Variants in UACA observed in about 807,000 individuals in gnomAD.
UACA encodes nuclear membrane binding protein.
UACA carries 112 observed loss-of-function variants against 160.5 expected under a neutral mutation model. The observed-to-expected ratio is 0.70, with a 90% CI of 0.60 to 0.82. UACA has a LOEUF of 0.82. UACA is among the 40% of genes least tolerant of loss of function. The pLI is 0.00. For missense variants in UACA, 1,574 were observed against 1,614.6 expected (o/e 0.97, Z 0.43); for synonymous variants, 557 against 568.4 (o/e 0.98, Z 0.29).
At chr15:70,713,208 G>T (rs1008803964) in intron 1 of UACA, among the ~76,000 whole-genome samples, 4 of 152,122 alleles carry the variant, frequency 2.6e-5, no homozygotes, top group Non-Finnish European at 5.9e-5. Context: ...AAAATTAGCC[G>T]CGCGCGGTGG....
chr15:70,687,880 T>C, intron 5 of UACA, 60 bp from the exon 6 acceptor site: 1 of 1,508,908 alleles, frequency 6.6e-7, no homozygotes, highest in Non-Finnish European at 9.2e-7. Flanking sequence ...CACATAGTGT[T>C]TTTCTAGGTC....
chr15:70,669,712 C>T (rs751377305), intron 15 of UACA, among the ~76,000 whole-genome samples: 2 of 152,256 alleles, frequency 1.3e-5, no homozygotes, highest in East Asian at 1.9e-4. Flanking sequence ...GGCAGAACAA[C>T]GGACAATGGC....
At chr15:70,770,006 T>A in the UACA span, among the ~76,000 whole-genome samples, 1 of 152,188 alleles carries the variant, frequency 6.6e-6, no homozygotes, top group South Asian at 2.1e-4. Context: ...CAAAAATAAG[T>A]AAATAAAAAA....
Position 70,660,223 on chromosome 15 carries a change from A to T in UACA, c.4114-7T>A. 3 of 1,612,570 alleles carry T rather than the reference A, an allele frequency of 1.9e-6. No homozygotes were observed. The highest frequency in any genetic ancestry group is 2.5e-6 in the Non-Finnish European group (3 of 1,178,924). On this transcript the variant is annotated splice_polypyrimidine_tract_variant and splice_region_variant and intron_variant, in intron 17 of 18. Transcript: ENST00000322954. ...GGTGCTGTCTGTCAGCATCCTAGAA[A>T]TGTGGAAAGATGGACAGATGTGACT...
chr15:70,718,186 T>C (rs941297933), intron 1 of UACA, among the ~76,000 whole-genome samples: 5 of 148,532 alleles, frequency 3.4e-5, no homozygotes. Context: ...TGATATATTG[T>C]ATTACTATTT....
At chr15:70,712,220 G>C (rs1898704497) in intron 1 of UACA, among the ~76,000 whole-genome samples, 1 of 151,592 alleles carries the variant, frequency 6.6e-6, no homozygotes. Context: ...ATCTGGTTGT[G>C]TGTAGACAGA....
chr15:70,676,703 T>TTC (rs763081368), intron 12 of UACA, 112 bp from the exon 13 acceptor site: 1 of 777,812 alleles, frequency 1.3e-6, no homozygotes, highest in Non-Finnish European at 2.1e-6. Flanking sequence ...AGTTAATGAA[T>TTC]TCTCCAACCT....
the UACA span, among the ~76,000 whole-genome samples, chr15:70,768,681 T>C: frequency 2.0e-5 from 3 of 152,290 alleles, no homozygotes; most frequent in East Asian, 3.9e-4. Context: ...ACCATCTGAC[T>C]CCATAGTAAA....
At chr15:70,678,228 G>T (rs373453426) in intron 10 of UACA, 22 bp from the exon 11 acceptor site, 32 of 1,566,308 alleles carry the variant, frequency 2.0e-5, no homozygotes, top group Non-Finnish European at 2.7e-5. Context: ...AAGACAACAA[G>T]GTGCCAGGCC....
chr15:70,745,187 T>G (rs1343545905), intron 1 of UACA, among the ~76,000 whole-genome samples: 1 of 151,790 alleles, frequency 6.6e-6, no homozygotes, highest in Non-Finnish European at 1.5e-5. Context: ...ATCCCAGCAC[T>G]TTGGGATGCC....
At chr15:70,740,050 C>CT (rs1043712072) in intron 1 of UACA, among the ~76,000 whole-genome samples, 10 of 152,070 alleles carry the variant, frequency 6.6e-5, no homozygotes, top group Non-Finnish European at 1.3e-4. Context: ...CCTTAGAGAA[C>CT]TTTTTTAAGT....
intron 1 of UACA, among the ~76,000 whole-genome samples, chr15:70,717,332 A>G (rs746949720): frequency 6.6e-6 from 1 of 152,228 alleles, no homozygotes; most frequent in Non-Finnish European, 1.5e-5. Context: ...AGCAAGAACC[A>G]TAAGAGCCTT....
the UACA span, among the ~76,000 whole-genome samples, chr15:70,775,651 G>A: frequency 1.3e-5 from 2 of 152,106 alleles, no homozygotes; most frequent in Non-Finnish European, 2.9e-5. Context: ...GTATTCAAAA[G>A]ATTAATTGAA....
intron 1 of UACA, among the ~76,000 whole-genome samples, chr15:70,713,299 G>GT: frequency 6.6e-6 from 1 of 152,344 alleles, no homozygotes; most frequent in East Asian, 1.9e-4. Flanking sequence ...AGTGAGCCGA[G>GT]ATCGCGCCAC....
At chr15:70,695,873 T>C (rs965143509) in intron 2 of UACA, among the ~76,000 whole-genome samples, 2 of 152,200 alleles carry the variant, frequency 1.3e-5, no homozygotes, top group African/African-American at 4.8e-5. Context: ...ACAAACATTA[T>C]AGAAATATTT....
intron 15 of UACA, 146 bp from the exon 16 acceptor site, chr15:70,669,608 A>C: frequency 1.7e-6 from 1 of 604,546 alleles, no homozygotes; most frequent in East Asian, 3.0e-5. Context: ...AAAAATCACA[A>C]TGCTGATTTT....
intron 18 of UACA, among the ~76,000 whole-genome samples, chr15:70,657,547 A>T (rs1466712666): frequency 3.3e-5 from 5 of 152,158 alleles, no homozygotes; most frequent in Admixed American, 6.5e-5. Context: ...GCGAACCAAG[A>T]TTGTGGCACT....
chr15:70,763,505 C>G lies in UACA; in HGVS notation c.-98G>C. 8.0e-7 allele frequency: 1 copy of G among 1,251,638 alleles called. No homozygotes were observed. The highest frequency in any genetic ancestry group is 1.0e-6 in the Non-Finnish European group (1 of 992,116). 77.5% of individuals were successfully genotyped at this position (1,251,638 alleles called of 1,614,324 possible). On this transcript the variant is annotated 5_prime_UTR_variant, in exon 1 of 19. Coordinates refer to ENST00000322954, the MANE Select transcript of UACA (RefSeq NM_018003.4). The stretch of plus-strand genomic sequence containing the variant: ...GCGGCTGCAGCAGAGGCGGCGCGGG[C>G]TGTACCAGCCCCACCTGCCTGCCAC...
intron 1 of UACA, among the ~76,000 whole-genome samples, chr15:70,750,168 C>T (rs1371039299): frequency 2.0e-5 from 3 of 152,140 alleles, no homozygotes; most frequent in Non-Finnish European, 4.4e-5. Flanking sequence ...CTAATTCTTG[C>T]CTATAATATT....
Sources: allele counts gnomAD v4.1 joint callset (sites outside exome capture counted in the v4.1 genomes callset), GRCh38; gene constraint gnomAD v4.1.1; transcripts MANE v1.5; gene names NCBI Gene and HGNC (gene_info 2026-07-23, HGNC 2026-07-21).